Variants in RBMS3 observed in about 807,000 individuals in gnomAD.
RBMS3 encodes the protein RNA binding motif single stranded interacting protein 3, also known as RNA-binding motif, single-stranded-interacting protein 3.
In RBMS3, 27 loss-of-function variants were observed where a neutral mutation model predicts 66.8. That is an observed-to-expected ratio of 0.40 (90% CI 0.30 to 0.56). The LOEUF is 0.56. Among genes scored for constraint, RBMS3 ranks in the 20% least tolerant of loss-of-function variants. RBMS3 has a pLI of 0.40. For synonymous variants in RBMS3, 188 were observed against 183.0 expected, an observed-to-expected ratio of 1.03 and a Z score of -0.22; for missense variants, 513 against 549.5, an observed-to-expected ratio of 0.93 and a Z score of 0.66.
intron 6 of RBMS3, among the ~76,000 whole-genome samples, chr3:29,817,192 C>CTTTT (rs373365962): frequency 7.9e-6 from 1 of 127,226 alleles, no homozygotes; most frequent in African/African-American, 3.2e-5. Context: ...ATTTTCTTTT[C>CTTTT]TTTTTTTTTT....
chr3:29,488,594 A>T (rs959393121), intron 3 of RBMS3, 95 bp downstream of exon 3: 3 of 1,090,010 alleles, frequency 2.8e-6, no homozygotes, highest in Non-Finnish European at 4.0e-6. Context: ...CTGCACAATG[A>T]TCACAATGCA....
At chr3:29,639,092 T>G (rs2049583512) in intron 4 of RBMS3, among the ~76,000 whole-genome samples, 2 of 151,798 alleles carry the variant, frequency 1.3e-5, no homozygotes, top group South Asian at 4.1e-4. Context: ...AATGACATTG[T>G]AAGGAATAGT....
chr3:29,625,620 C>A (rs1383121004), intron 4 of RBMS3, among the ~76,000 whole-genome samples: 2 of 151,814 alleles, frequency 1.3e-5, no homozygotes, highest in Admixed American at 1.3e-4. Context: ...ATCACTTGAA[C>A]CTGGGAGGTG....
At chr3:29,694,861 TAAAAA>T (rs771474312) in intron 4 of RBMS3, among the ~76,000 whole-genome samples, 7,682 of 147,182 alleles carry the variant, frequency 0.052, 678 homozygotes, top group African/African-American at 0.18. Context: ...AATTTTTTTT[TAAAAA>T]AAAAATACAA....
chr3:29,557,121 A>G (rs2046393930), intron 3 of RBMS3, among the ~76,000 whole-genome samples: 1 of 152,230 alleles, frequency 6.6e-6, no homozygotes, highest in Non-Finnish European at 1.5e-5. Context: ...GTTCCAGGGT[A>G]TGCTTACAGG....
intron 3 of RBMS3, among the ~76,000 whole-genome samples, chr3:29,535,107 G>C (rs1253236324): frequency 6.6e-6 from 1 of 152,094 alleles, no homozygotes. Context: ...TTACCTAAGG[G>C]TTCTTTATGA....
At chr3:29,304,946 T>A (rs973556654) in intron 1 of RBMS3, among the ~76,000 whole-genome samples, 19 of 151,986 alleles carry the variant, frequency 1.3e-4, no homozygotes, top group African/African-American at 3.9e-4. Context: ...CCTCAGTGAC[T>A]GCTTCTTGAA....
chr3:29,709,108 C>T (rs1046074519), intron 4 of RBMS3, among the ~76,000 whole-genome samples: 6 of 152,178 alleles, frequency 3.9e-5, no homozygotes, highest in African/African-American at 1.2e-4. Context: ...TGCTTCCTTA[C>T]GTTCCCTTTC....
chr3:29,390,344 T>G (rs1426327442), intron 1 of RBMS3, among the ~76,000 whole-genome samples: 1 of 152,162 alleles, frequency 6.6e-6, no homozygotes, highest in Admixed American at 6.5e-5. Context: ...CAAAAAAAGT[T>G]CTATTGCTAC....
At chr3:29,960,398 T>C (rs975614368) in intron 12 of RBMS3, among the ~76,000 whole-genome samples, 2 of 152,196 alleles carry the variant, frequency 1.3e-5, no homozygotes, top group African/African-American at 4.8e-5. Flanking sequence ...CCCTCCCAAT[T>C]GCTTTCACAG....
At position 29,578,339 on chromosome 3, in the gene RBMS3, C is replaced by G. The variant is rs537554902; in HGVS notation, c.308-8775C>G. On this transcript the variant is annotated intron_variant, in intron 3 of 14. Coordinates refer to ENST00000383767, the MANE Select transcript of RBMS3 (RefSeq NM_001003793.3). ...GTTTTTACCGTGTACATTTGTTACT[C>G]TCGATTGTGCATATATACATATAAG... 1.4e-4 allele frequency among the ~76,000 whole-genome samples: 21 copies of G among 152,152 alleles called. 1 individual carries two copies. In the South Asian group the frequency reaches 4.2e-3, roughly 30 times the overall value.
intron 12 of RBMS3, among the ~76,000 whole-genome samples, chr3:29,982,478 T>C (rs1191261487): frequency 6.6e-6 from 1 of 152,190 alleles, no homozygotes; most frequent in Non-Finnish European, 1.5e-5. Context: ...TGTTTGCTCT[T>C]GCTTCTCTAG....
At chr3:29,566,555 C>T (rs1443114339) in intron 3 of RBMS3, among the ~76,000 whole-genome samples, 1 of 151,386 alleles carries the variant, frequency 6.6e-6, no homozygotes, top group Admixed American at 6.6e-5. Context: ...CCTTTACTTA[C>T]CTGTCCCCAA....
intron 3 of RBMS3, among the ~76,000 whole-genome samples, chr3:29,519,671 G>A (rs574226030): frequency 3.9e-4 from 59 of 152,120 alleles, no homozygotes; most frequent in African/African-American, 1.4e-3. Context: ...CACACTTCCT[G>A]TCAACTAGAC....
chr3:29,420,984 G>A (rs2040700694), intron 1 of RBMS3, among the ~76,000 whole-genome samples: 1 of 148,736 alleles, frequency 6.7e-6, no homozygotes, highest in Non-Finnish European at 1.5e-5. Flanking sequence ...GTGGTGGCGG[G>A]CGCCTGTAGT....
At chr3:29,879,979 A>AATC (rs1283322954) in intron 7 of RBMS3, among the ~76,000 whole-genome samples, 3 of 152,296 alleles carry the variant, frequency 2.0e-5, no homozygotes, top group Admixed American at 2.0e-4. Context: ...GATATAATGT[A>AATC]ATCATTTACA....
At chr3:29,400,222 T>C (rs972788103) in intron 1 of RBMS3, among the ~76,000 whole-genome samples, 4 of 152,170 alleles carry the variant, frequency 2.6e-5, no homozygotes, top group Non-Finnish European at 5.9e-5. Context: ...GGCCACTTAC[T>C]GAGTTCACAA....
At chr3:29,457,406 C>T (rs750374648) in intron 2 of RBMS3, among the ~76,000 whole-genome samples, 3 of 152,050 alleles carry the variant, frequency 2.0e-5, no homozygotes, top group South Asian at 2.1e-4. Flanking sequence ...ATAATTTTAC[C>T]GGTAAGCCCA....
At position 29,464,366 on chromosome 3, in the gene RBMS3, G is replaced by A. The variant is rs79679330; in HGVS notation, c.249-24075G>A. 5.7e-4 allele frequency among the ~76,000 whole-genome samples: 86 copies of A among 152,172 alleles called. 3 individuals are homozygous for A. In the East Asian group the frequency reaches 0.016, roughly 29 times the overall value. On this transcript the variant is annotated intron_variant, in intron 2 of 14. Coordinates refer to ENST00000383767, the MANE Select transcript of RBMS3 (RefSeq NM_001003793.3). ...AGTTTGGTTCAAGATTGTCAAAAGA[G>A]CCATTTGCTTAATACAGCAGAGGAT...
Sources: gnomAD v4.1 joint callset for allele counts (sites outside exome capture counted in the v4.1 genomes callset) on GRCh38, gnomAD v4.1.1 for gene constraint, MANE v1.5 for transcripts, NCBI Gene and HGNC (gene_info 2026-07-23, HGNC 2026-07-21) for gene names.